Variants in SGCZ observed in about 807,000 individuals in gnomAD.
SGCZ encodes sarcoglycan zeta, also known as zeta-sarcoglycan.
A neutral mutation model predicts 41.3 loss-of-function variants in SGCZ; 40 were observed. That is an observed-to-expected ratio of 0.97 (90% CI 0.75 to 1.26). The LOEUF is 1.26. Among genes scored for constraint, SGCZ ranks in the 50% most tolerant of loss-of-function variants. SGCZ has a pLI of 0.00. For missense variants in SGCZ, 552 were observed against 369.8 expected, an observed-to-expected ratio of 1.49 and a Z score of -4.04; for synonymous variants, 206 against 137.5, an observed-to-expected ratio of 1.50 and a Z score of -3.49.
intron 1 of SGCZ, among the ~76,000 whole-genome samples, chr8:15,057,336 C>A (rs1027832315): frequency 8.5e-5 from 13 of 152,080 alleles, no homozygotes; most frequent in African/African-American, 3.1e-4. Flanking sequence ...ACTTGGTGTT[C>A]CTATTAGACA....
intron 4 of SGCZ, among the ~76,000 whole-genome samples, chr8:14,216,007 G>A (rs1476114971): frequency 6.6e-6 from 1 of 152,214 alleles, no homozygotes; most frequent in Admixed American, 6.5e-5. Flanking sequence ...GGCAGCAGCT[G>A]CAGCCTCAAC....
At chr8:15,140,585 C>G (rs1224959941) in intron 1 of SGCZ, among the ~76,000 whole-genome samples, 1 of 152,006 alleles carries the variant, frequency 6.6e-6, no homozygotes, top group Non-Finnish European at 1.5e-5. Context: ...CCAACAAAAA[C>G]CAAAAATGAC....
At chr8:14,239,061 C>T (rs895519507) in intron 3 of SGCZ, among the ~76,000 whole-genome samples, 2 of 151,614 alleles carry the variant, frequency 1.3e-5, no homozygotes, top group African/African-American at 4.8e-5. Context: ...TAACTACCTA[C>T]AGACACTTAT....
In SGCZ at chr8:14,800,693, C is replaced by A. The variant is rs188662889; in HGVS notation, c.40-245767G>T. Among the ~76,000 whole-genome samples the A allele has an allele frequency of 8.1e-4, 123 of 152,272 alleles. 2 individuals carry two copies. Among genetic ancestry groups the A allele is most frequent in the African/African-American group, 2.9e-3 (120 of 41,560 alleles). ...ACGTGCTTTGCTTCCCTTTCCCCTT[C>A]TGCCATGATTGTAAGTTTCCTGAGG... On this transcript the variant is annotated intron_variant, in intron 1 of 7. Transcript: ENST00000382080.
At chr8:15,009,240 T>C (rs551618919) in intron 1 of SGCZ, among the ~76,000 whole-genome samples, 9 of 32,630 alleles carry the variant, frequency 2.8e-4, no homozygotes, top group African/African-American at 8.6e-4. Flanking sequence ...AAAGGGGAAG[T>C]AAGCATGATT....
At chr8:14,371,283 G>A (rs1016843446) in intron 2 of SGCZ, among the ~76,000 whole-genome samples, 12 of 151,894 alleles carry the variant, frequency 7.9e-5, no homozygotes, top group Non-Finnish European at 1.8e-4. Flanking sequence ...TAAGATATCA[G>A]AAATAAGTAT....
In SGCZ at chr8:14,234,392, G is replaced by A. The variant is rs183241118; in HGVS notation, c.424+3200C>T. ...TGGGGTACAAGAGGAATGGATATTC[G>A]CTTTGCTGAAACTACTTACATATAT... is the stretch of plus-strand genomic sequence containing the variant. On this transcript the variant is annotated intron_variant, in intron 4 of 7. Coordinates refer to ENST00000382080, the MANE Select transcript of SGCZ (RefSeq NM_139167.4). Among the ~76,000 whole-genome samples the A allele has an allele frequency of 2.8e-3, 428 of 152,044 alleles. 1 individual carries two copies. Among genetic ancestry groups the A allele is most frequent in the African/African-American group, 9.4e-3 (389 of 41,514 alleles).
At chr8:15,193,021 G>A (rs1251939458) in intron 1 of SGCZ, among the ~76,000 whole-genome samples, 1 of 152,062 alleles carries the variant, frequency 6.6e-6, no homozygotes, top group Non-Finnish European at 1.5e-5. Flanking sequence ...CACTACTGAA[G>A]TTTTACCACT....
chr8:15,032,473 A>T (rs1563453401), intron 1 of SGCZ, among the ~76,000 whole-genome samples: 2 of 152,080 alleles, frequency 1.3e-5, no homozygotes. Flanking sequence ...CCACTCTAGT[A>T]AAATGCAGTG....
chr8:14,369,580 T>A (rs1479478383), intron 2 of SGCZ, among the ~76,000 whole-genome samples: 1 of 152,034 alleles, frequency 6.6e-6, no homozygotes, highest in African/African-American at 2.4e-5. Flanking sequence ...AATTTATAAG[T>A]ATTTTATGGA....
intron 2 of SGCZ, among the ~76,000 whole-genome samples, chr8:14,344,737 G>T (rs147500729): frequency 2.6e-5 from 4 of 152,186 alleles, no homozygotes; most frequent in South Asian, 2.1e-4. Flanking sequence ...ATTACTGAAT[G>T]AAACAGTCAA....
At chr8:14,478,804 A>C (rs62499727) in intron 2 of SGCZ, among the ~76,000 whole-genome samples, 14,936 of 152,016 alleles carry the variant, frequency 0.098, 2,201 homozygotes, top group African/African-American at 0.32. Flanking sequence ...TATTTTCTCT[A>C]CTTCCCATTT....
intron 2 of SGCZ, among the ~76,000 whole-genome samples, chr8:14,522,273 A>T (rs1214136153): frequency 6.6e-6 from 1 of 152,030 alleles, no homozygotes; most frequent in Non-Finnish European, 1.5e-5. Flanking sequence ...GGTTAATAAT[A>T]GTGTGTTCCC....
intron 1 of SGCZ, among the ~76,000 whole-genome samples, chr8:14,910,993 T>A (rs909797282): frequency 6.6e-6 from 1 of 152,038 alleles, no homozygotes; most frequent in Non-Finnish European, 1.5e-5. Context: ...TATCACTCAT[T>A]TTTTCACGAA....
At chr8:14,957,109 A>C (rs1800817714) in intron 1 of SGCZ, among the ~76,000 whole-genome samples, 1 of 152,198 alleles carries the variant, frequency 6.6e-6, no homozygotes, top group Non-Finnish European at 1.5e-5. Flanking sequence ...CTACTTCTAC[A>C]TAACATTGAA....
chr8:14,377,209 A>G (rs1368396072), intron 2 of SGCZ, among the ~76,000 whole-genome samples: 1 of 152,212 alleles, frequency 6.6e-6, no homozygotes, highest in Non-Finnish European at 1.5e-5. Context: ...CCAAGAGCCA[A>G]TGATGTAATC....
chr8:14,123,855 A>G (rs2117041374), intron 5 of SGCZ, among the ~76,000 whole-genome samples: 1 of 152,268 alleles, frequency 6.6e-6, no homozygotes, highest in South Asian at 2.1e-4. Flanking sequence ...GGATTATCTT[A>G]AAAACAGGAT....
At chr8:14,910,089 A>G (rs1219177842) in intron 1 of SGCZ, among the ~76,000 whole-genome samples, 1 of 152,104 alleles carries the variant, frequency 6.6e-6, no homozygotes, top group Non-Finnish European at 1.5e-5. Context: ...TAAGTTTATC[A>G]TAATTACATT....
chr8:14,686,793 T>C (rs1808625497), intron 1 of SGCZ, among the ~76,000 whole-genome samples: 2 of 151,978 alleles, frequency 1.3e-5, no homozygotes, highest in Admixed American at 1.3e-4. Context: ...AAAAAGAATA[T>C]CAAATTCTGA....
Sources: gnomAD v4.1 joint callset for allele counts (sites outside exome capture counted in the v4.1 genomes callset) on GRCh38, gnomAD v4.1.1 for gene constraint, MANE v1.5 for transcripts, NCBI Gene and HGNC (gene_info 2026-07-23, HGNC 2026-07-21) for gene names.